Variants in PCM1 observed in about 807,000 individuals in gnomAD.
PCM1 encodes pericentriolar material 1.
In PCM1, 157 loss-of-function variants were observed where a neutral mutation model predicts 241.9. The observed-to-expected ratio is 0.65, with a 90% CI of 0.57 to 0.74. The LOEUF (loss-of-function observed/expected upper bound fraction) is 0.74. Ranked by LOEUF, PCM1 falls within the 30% of genes least tolerant of loss-of-function variation. The pLI is 0.00. For synonymous variants in PCM1, 1,085 were observed against 784.9 expected (o/e 1.38, Z -6.39); for missense variants, 3,478 against 2,360.1 (o/e 1.47, Z -9.81).
chr8:17,998,226 T>C (rs2087722445), intron 29 of PCM1, among the ~76,000 whole-genome samples: 1 of 152,078 alleles, frequency 6.6e-6, no homozygotes, highest in Admixed American at 6.5e-5. Flanking sequence ...GTCGTGATTT[T>C]CTGTATGGTC....
chr8:18,007,846 G>C (rs1298147092), intron 30 of PCM1, among the ~76,000 whole-genome samples: 2 of 152,076 alleles, frequency 1.3e-5, no homozygotes, highest in East Asian at 3.9e-4. Context: ...TCTTTTGGTG[G>C]GGGAGAGGAG....
chr8:17,957,887 CAT>C (rs965333227), intron 13 of PCM1, 112 bp downstream of exon 13: 31 of 712,996 alleles, frequency 4.3e-5, no homozygotes, highest in African/African-American at 2.0e-4. Flanking sequence ...ATTTATGTAT[CAT>C]ATGTGAGGTT....
intron 23 of PCM1, among the ~76,000 whole-genome samples, chr8:17,976,101 C>T (rs2078677443): frequency 6.6e-6 from 1 of 152,170 alleles, no homozygotes; most frequent in Non-Finnish European, 1.5e-5. Context: ...TTTCCTGTTG[C>T]ACACTAATGA....
chr8:18,019,766 C>A (rs572043835), intron 36 of PCM1, among the ~76,000 whole-genome samples: 1 of 152,188 alleles, frequency 6.6e-6, no homozygotes, highest in African/African-American at 2.4e-5. Context: ...GCTCCCCCCA[C>A]CACTCACCTC....
At chr8:17,972,270 A>G (rs907609280) in intron 22 of PCM1, 59 bp from the exon 23 acceptor site, 6 of 946,356 alleles carry the variant, frequency 6.3e-6, no homozygotes, top group Non-Finnish European at 9.2e-6. Flanking sequence ...AATTCAGTGT[A>G]TTTGGAGTTT....
chr8:17,957,317 A>C lies in PCM1; in HGVS notation c.1700A>C (p.Gln567Pro). The C allele has an allele frequency of 6.2e-7, 1 of 1,611,654 alleles. No homozygotes were observed. Among genetic ancestry groups the C allele is most frequent in the Non-Finnish European group, 8.5e-7 (1 of 1,178,144 alleles). ...GAAGTAAATAGTCATAGTAATGCAC[A>C]GTGTGTTTCTAATAATAGAGATGGG... is the stretch of plus-strand genomic sequence containing the variant. ...WNEVNSHSNAQCVSNNRDGRT... is the reference protein window; with the variant it reads ...WNEVNSHSNAPCVSNNRDGRT... Residue 567 changes from glutamine (Q) to proline (P), a missense_variant, in exon 12 of 39, where the codon CAG (glutamine) becomes CCG (proline). Physicochemically the swap from Gln to Pro is moderately conservative, Grantham distance 76. Coordinates refer to ENST00000325083, the MANE Select transcript of PCM1 (RefSeq NM_006197.4).
intron 23 of PCM1, among the ~76,000 whole-genome samples, chr8:17,978,241 CAAGAG>C: frequency 6.6e-6 from 1 of 151,826 alleles, no homozygotes; most frequent in East Asian, 1.9e-4. Flanking sequence ...CAGATAAAAT[CAAGAG>C]AAGACGATTA....
chr8:17,976,344 C>T (rs770005104), intron 23 of PCM1, among the ~76,000 whole-genome samples: 21 of 152,192 alleles, frequency 1.4e-4, no homozygotes, highest in Non-Finnish European at 2.6e-4. Context: ...CACCCTGTTG[C>T]TGAGGAATCA....
chr8:17,993,737 C>A, intron 29 of PCM1, 118 bp downstream of exon 29: 1 of 824,124 alleles, frequency 1.2e-6, no homozygotes, highest in Non-Finnish European at 1.8e-6. Flanking sequence ...AAAAAACTAT[C>A]ACCCATAATT....
Position 18,009,541 on chromosome 8 carries a change from G to C in PCM1, c.4963-6G>C. On this transcript the variant is annotated splice_polypyrimidine_tract_variant and splice_region_variant and intron_variant, in intron 30 of 38. Coordinates refer to ENST00000325083, the MANE Select transcript of PCM1 (RefSeq NM_006197.4). ...TTTAAAAATTATTTGGTTTATCTTTGAATAGGATTCACTGGCAAAATTTGC... is the reference window on the plus strand; with the variant it reads ...TTTAAAAATTATTTGGTTTATCTTTCAATAGGATTCACTGGCAAAATTTGC... 6.4e-7 allele frequency: 1 copy of C among 1,574,688 alleles called. No homozygotes were observed. The highest frequency in any genetic ancestry group is 8.7e-7 in the Non-Finnish European group (1 of 1,155,718).
Position 17,935,500 on chromosome 8 carries a change from A to T in PCM1, c.-22-89A>T, listed in dbSNP as rs1267841772. 4.9e-6 allele frequency: 3 copies of T among 606,778 alleles called. No individual in the cohort carries two copies. In the Admixed American group the frequency reaches 8.1e-5, roughly 16 times the overall value. The allele number at this position is 606,778 out of a possible 1,614,324, so 37.6% of individuals were successfully genotyped here. On this transcript the variant is annotated intron_variant, in intron 2 of 38. Coordinates refer to ENST00000325083, the MANE Select transcript of PCM1 (RefSeq NM_006197.4). Reference sequence around the variant, plus strand: ...TTAGTTCATAAAAATCAGTGCTTCAAAGATTGTATTGCTAAACTTCATGGA... The same window carrying T: ...TTAGTTCATAAAAATCAGTGCTTCATAGATTGTATTGCTAAACTTCATGGA...
intron 23 of PCM1, among the ~76,000 whole-genome samples, chr8:17,974,876 C>T (rs1315126335): frequency 6.6e-6 from 1 of 151,964 alleles, no homozygotes; most frequent in Non-Finnish European, 1.5e-5. Flanking sequence ...CACACACACA[C>T]ACACACACAC....
At chr8:17,950,478 G>C (rs2065622732) in intron 7 of PCM1, 137 bp from the exon 8 acceptor site, 2 of 587,782 alleles carry the variant, frequency 3.4e-6, no homozygotes, top group Non-Finnish European at 5.9e-6. Context: ...TTGGCAGATA[G>C]ATCGGATTGT....
intron 6 of PCM1, among the ~76,000 whole-genome samples, chr8:17,943,945 C>T (rs144952692): frequency 7.9e-5 from 12 of 152,286 alleles, no homozygotes; most frequent in East Asian, 3.9e-4. Flanking sequence ...TATTCTAGAG[C>T]TGCCTACCAA....
intron 18 of PCM1, among the ~76,000 whole-genome samples, chr8:17,965,598 T>G (rs879389335): frequency 5.3e-5 from 8 of 152,230 alleles, no homozygotes; most frequent in African/African-American, 9.6e-5. Context: ...TGTTATTACA[T>G]TGTTACTAAT....
intron 26 of PCM1, among the ~76,000 whole-genome samples, chr8:17,989,419 A>T (rs1210310672): frequency 6.6e-6 from 1 of 151,742 alleles, no homozygotes; most frequent in Non-Finnish European, 1.5e-5. Flanking sequence ...ATTGTATATT[A>T]ATTATATTTC....
intron 10 of PCM1, 152 bp downstream of exon 10, chr8:17,955,805 T>G: frequency 1.5e-6 from 1 of 654,192 alleles, no homozygotes; most frequent in South Asian, 1.8e-5. Flanking sequence ...GTGTGTGTTG[T>G]GTGGGCATAA....
intron 26 of PCM1, among the ~76,000 whole-genome samples, chr8:17,988,089 A>G (rs1358450082): frequency 6.6e-6 from 1 of 151,786 alleles, no homozygotes; most frequent in Non-Finnish European, 1.5e-5. Flanking sequence ...GAGTGGAGAC[A>G]CTGAGGTTTA....
Position 17,950,482 on chromosome 8 carries a change from G to A in PCM1, c.962-133G>A, listed in dbSNP as rs79523103. ...TAAAATGATTGTTGGCAGATAGATCGGATTGTTAACTAGTTTCAAGTTACG... is the reference window on the plus strand; with the variant it reads ...TAAAATGATTGTTGGCAGATAGATCAGATTGTTAACTAGTTTCAAGTTACG... On this transcript the variant is annotated intron_variant, in intron 7 of 38. Transcript: ENST00000325083. 1,697 of 587,142 alleles carry A rather than the reference G, an allele frequency of 2.9e-3. 18 individuals are homozygous for A. Among genetic ancestry groups the A allele is most frequent in the African/African-American group, 0.025 (1,328 of 52,786 alleles). The allele number at this position is 587,142 out of a possible 1,614,324, so 36.4% of individuals were successfully genotyped here. A position where few individuals can be genotyped will look rare whatever the true frequency, so the allele number is the denominator to read the frequency against.
Sources: gnomAD v4.1 joint callset for allele counts (sites outside exome capture counted in the v4.1 genomes callset) on GRCh38, gnomAD v4.1.1 for gene constraint, MANE v1.5 for transcripts, NCBI Gene and HGNC (gene_info 2026-07-23, HGNC 2026-07-21) for gene names.